The following CPED1 variants were observed in gnomAD, a reference collection of about 807,000 sequenced individuals.
The protein encoded by CPED1 is cadherin like and PC-esterase domain containing 1, also known as cadherin-like and PC-esterase domain-containing protein 1.
CPED1 carries 114 observed loss-of-function variants against 128.2 expected under a neutral mutation model. The ratio of observed to expected loss-of-function variants is 0.89; its 90% CI spans 0.76 to 1.04. The LOEUF (loss-of-function observed/expected upper bound fraction) is 1.04. CPED1 is among the 50% of genes least tolerant of loss of function. The pLI, the probability that CPED1 is intolerant of heterozygous loss-of-function variation, is 0.00. For missense variants in CPED1, 1,211 were observed against 1,207.1 expected (o/e 1.00, Z -0.05); for synonymous variants, 462 against 426.7 (o/e 1.08, Z -1.02).
At chr7:121,176,036 G>A (rs576497066) in intron 16 of CPED1, among the ~76,000 whole-genome samples, 6 of 151,904 alleles carry the variant, frequency 3.9e-5, no homozygotes, top group East Asian at 3.9e-4. Flanking sequence ...AATGTATACC[G>A]CTTGGTGATT....
intron 16 of CPED1, among the ~76,000 whole-genome samples, chr7:121,225,862 C>G (rs1437897936): frequency 2.0e-5 from 3 of 152,064 alleles, no homozygotes; most frequent in Non-Finnish European, 2.9e-5. Flanking sequence ...ACTGTTTATT[C>G]TAGTTAGCCA....
rs1216926703 is a variant in CPED1, at chr7:121,241,376, A to C, written c.2174-2826A>C. 1.0e-4 allele frequency among the ~76,000 whole-genome samples: 5 copies of C among 48,774 alleles called. 1 individual carries two copies. 32.0% of individuals were successfully genotyped at this position (48,774 alleles called of 152,430 possible). ...AAAAAAAAAAAAAAAAAAAAAAAAA[A>C]AAAAAAAAAGAAATTATAAAACAGA... On this transcript the variant is annotated intron_variant, in intron 17 of 22. Transcript: ENST00000310396.
intron 5 of CPED1, among the ~76,000 whole-genome samples, chr7:121,093,053 G>T (rs1013349441): frequency 4.6e-5 from 7 of 151,990 alleles, no homozygotes; most frequent in African/African-American, 1.7e-4. Flanking sequence ...CTAGCAACTG[G>T]CACAACTTAG....
Position 121,131,593 on chromosome 7 carries a change from G to A in CPED1, c.1577+1299G>A, listed in dbSNP as rs1488683944. On this transcript the variant is annotated intron_variant, in intron 12 of 22. Coordinates refer to ENST00000310396, the MANE Select transcript of CPED1 (RefSeq NM_024913.5). The stretch of plus-strand genomic sequence containing the variant: ...ATTTTTCTCAAGCTCCATGTATGTT[G>A]TAAGGTTAAGCAGTGTTCTGATCTT... 4.6e-5 allele frequency among the ~76,000 whole-genome samples: 7 copies of A among 150,786 alleles called. No homozygotes were observed. The East Asian group carries it at 1.4e-3, about 30-fold the overall frequency.
intron 5 of CPED1, among the ~76,000 whole-genome samples, chr7:121,097,035 T>C (rs1794717897): frequency 6.6e-6 from 1 of 152,176 alleles, no homozygotes; most frequent in Non-Finnish European, 1.5e-5. Context: ...AGGTTCTAGA[T>C]AGAAGTGAAT....
chr7:121,238,093 C>T (rs866568936), intron 17 of CPED1, among the ~76,000 whole-genome samples: 1 of 152,266 alleles, frequency 6.6e-6, no homozygotes, highest in Middle Eastern at 3.4e-3. Flanking sequence ...ACAAAAAGTT[C>T]AAGGTACATT....
intron 16 of CPED1, among the ~76,000 whole-genome samples, chr7:121,232,415 T>G (rs1180385435): frequency 6.6e-6 from 1 of 152,076 alleles, no homozygotes; most frequent in Non-Finnish European, 1.5e-5. Flanking sequence ...GCTAAAGATA[T>G]GAGATGTGGG....
chr7:121,006,856 G>C (rs2116782435), intron 2 of CPED1, among the ~76,000 whole-genome samples: 1 of 152,216 alleles, frequency 6.6e-6, no homozygotes, highest in Admixed American at 6.5e-5. Flanking sequence ...CCTTGAAGAG[G>C]AGGCTGAAAA....
At chr7:121,202,540 A>G (rs1002571422) in intron 16 of CPED1, among the ~76,000 whole-genome samples, 1 of 152,054 alleles carries the variant, frequency 6.6e-6, no homozygotes, top group South Asian at 2.1e-4. Context: ...TCAAGAAAAA[A>G]ATTACTTTTC....
chr7:121,154,928 A>C (rs542474799), intron 16 of CPED1, among the ~76,000 whole-genome samples: 1 of 152,206 alleles, frequency 6.6e-6, no homozygotes, highest in Admixed American at 6.5e-5. Context: ...TGTCATGTTT[A>C]TTGATTTGTG....
At position 121,295,960 on chromosome 7, in the gene CPED1, A is replaced by G. The variant is rs1220970262; in HGVS notation, c.*308A>G. On this transcript the variant is annotated 3_prime_UTR_variant, in exon 23 of 23. Transcript: ENST00000310396. ...GGGCCAGGTATGGCATTGTGATAAT[A>G]AAGAGAAATATAGACACTTAAAATT... 4.3e-6 allele frequency: 1 copy of G among 230,596 alleles called. No individual in the cohort carries two copies. Among genetic ancestry groups the G allele is most frequent in the Non-Finnish European group, 8.5e-6 (1 of 117,796 alleles). The allele number at this position is 230,596 out of a possible 1,614,324, so 14.3% of individuals were successfully genotyped here.
chr7:121,089,181 T>C (rs564360812), intron 5 of CPED1, among the ~76,000 whole-genome samples: 1 of 152,324 alleles, frequency 6.6e-6, no homozygotes, highest in South Asian at 2.1e-4. Context: ...TCTGACATAT[T>C]TCCATGTTTT....
intron 7 of CPED1, among the ~76,000 whole-genome samples, chr7:121,119,663 A>T (rs1424080970): frequency 1.3e-5 from 2 of 151,530 alleles, no homozygotes; most frequent in South Asian, 2.1e-4. Flanking sequence ...AGTTATTTTT[A>T]AAAGTTTGAA....
intron 5 of CPED1, among the ~76,000 whole-genome samples, chr7:121,094,707 C>A (rs1794657268): frequency 6.6e-6 from 1 of 152,160 alleles, no homozygotes; most frequent in African/African-American, 2.4e-5. Flanking sequence ...TAGACAAGAA[C>A]CAAAACGAAA....
chr7:121,193,302 T>A (rs1797189676), intron 16 of CPED1, among the ~76,000 whole-genome samples: 1 of 152,168 alleles, frequency 6.6e-6, no homozygotes, highest in African/African-American at 2.4e-5. Context: ...ATGTGAGTGC[T>A]GTTAGACTGG....
intron 16 of CPED1, among the ~76,000 whole-genome samples, chr7:121,228,478 C>CA (rs921038846): frequency 1.3e-4 from 19 of 141,448 alleles, no homozygotes; most frequent in Middle Eastern, 3.8e-3. Flanking sequence ...ATTAAAAAGA[C>CA]AAAAAAAATA....
At chr7:121,004,749 G>C (rs1352690806) in intron 2 of CPED1, among the ~76,000 whole-genome samples, 1 of 126,416 alleles carries the variant, frequency 7.9e-6, no homozygotes, top group African/African-American at 2.7e-5. Context: ...GTAGACACTT[G>C]TGACCATATT....
intron 3 of CPED1, among the ~76,000 whole-genome samples, chr7:121,044,176 A>T (rs1793128736): frequency 6.6e-6 from 1 of 152,188 alleles, no homozygotes; most frequent in Non-Finnish European, 1.5e-5. Context: ...CTCATGAAAC[A>T]AGTGAAACTT....
chr7:121,129,245 A>T (rs769849549), intron 11 of CPED1, among the ~76,000 whole-genome samples: 21 of 147,786 alleles, frequency 1.4e-4, no homozygotes, highest in Non-Finnish European at 2.8e-4. Flanking sequence ...TCACTCAAGT[A>T]TTTATCTTAC....
Sources: allele counts gnomAD v4.1 joint callset (sites outside exome capture counted in the v4.1 genomes callset), GRCh38; gene constraint gnomAD v4.1.1; transcripts MANE v1.5; gene names NCBI Gene and HGNC (gene_info 2026-07-23, HGNC 2026-07-21).